GPM6A: variants seen among roughly 807,000 people sequenced by gnomAD.
GPM6A encodes glycoprotein M6A, also known as neuronal membrane glycoprotein M6-a.
A neutral mutation model predicts 32.1 loss-of-function variants in GPM6A; 7 were observed. That is an observed-to-expected ratio of 0.22 (90% CI 0.12 to 0.41). The LOEUF (loss-of-function observed/expected upper bound fraction) is 0.41, where lower values mean the gene tolerates loss of function less well. Among genes scored for constraint, GPM6A ranks in the 10% least tolerant of loss-of-function variants. The pLI is 1.00. For synonymous variants in GPM6A, 130 were observed against 123.4 expected (o/e 1.05, Z -0.35); for missense variants, 235 against 347.2 (o/e 0.68, Z 2.57).
chr4:175,852,961 T>A lies in GPM6A; in HGVS notation c.-22-40712A>T, dbSNP rs377368896. On this transcript the variant is annotated intron_variant, in intron 1 of 7. Coordinates refer to the GPM6A transcript ENST00000280187. ...CTCAATCGATGCGCAATAAATATAT[T>A]TTTTTCATTAACATTGTACCCCAAA... 1.8e-4 allele frequency among the ~76,000 whole-genome samples: 27 copies of A among 152,256 alleles called. No homozygotes were observed. The South Asian group carries it at 3.9e-3, about 22-fold the overall frequency.
chr4:175,941,832 C>T (rs564032631), intron 1 of GPM6A, among the ~76,000 whole-genome samples: 38 of 152,224 alleles, frequency 2.5e-4, no homozygotes, highest in South Asian at 1.5e-3. Flanking sequence ...GTGAACAGTG[C>T]GGCAATAAAC....
chr4:175,910,882 C>T (rs1260856549), intron 1 of GPM6A, among the ~76,000 whole-genome samples: 1 of 152,138 alleles, frequency 6.6e-6, no homozygotes. Flanking sequence ...ATATGCAATC[C>T]ATAAATGAAT....
chr4:175,804,261 G>A (rs996352756), intron 1 of GPM6A, among the ~76,000 whole-genome samples: 1 of 152,100 alleles, frequency 6.6e-6, no homozygotes, highest in Non-Finnish European at 1.5e-5. Flanking sequence ...TACAGTCTGT[G>A]GTTCCAAAAA....
In GPM6A at chr4:175,651,816, G is replaced by A. The variant is rs1741823582; in HGVS notation, c.541+18C>T. 1 of 1,601,650 alleles carries A rather than the reference G, an allele frequency of 6.2e-7. No individual in the cohort carries two copies. On this transcript the variant is annotated intron_variant, in intron 4 of 6. Transcript: ENST00000393658. Reference sequence around the variant, plus strand: ...ATGGGATGGTGTTTTACAGTTTAGAGATCCAATATCCACTTACCAAACTGA... The same window carrying A: ...ATGGGATGGTGTTTTACAGTTTAGAAATCCAATATCCACTTACCAAACTGA...
intron 1 of GPM6A, among the ~76,000 whole-genome samples, chr4:175,717,605 A>G (rs990281578): frequency 1.3e-5 from 2 of 152,182 alleles, no homozygotes; most frequent in African/African-American, 4.8e-5. Flanking sequence ...ATAAACAGTC[A>G]TTACTTAAGA....
intron 1 of GPM6A, among the ~76,000 whole-genome samples, chr4:175,987,678 A>C (rs1209234905): frequency 6.6e-6 from 1 of 152,112 alleles, no homozygotes; most frequent in Admixed American, 6.6e-5. Flanking sequence ...CCTACAAATA[A>C]CATAACTAAA....
intron 2 of GPM6A, among the ~76,000 whole-genome samples, chr4:175,695,430 G>T (rs1034292913): frequency 1.3e-5 from 2 of 152,184 alleles, no homozygotes; most frequent in African/African-American, 2.4e-5. Flanking sequence ...GCCTGGGGGG[G>T]CCCAACCTTT....
chr4:175,869,873 C>G (rs1293431863), intron 1 of GPM6A, among the ~76,000 whole-genome samples: 1 of 152,052 alleles, frequency 6.6e-6, no homozygotes, highest in Admixed American at 6.6e-5. Context: ...ATCTTCCTAC[C>G]AAGTCTATGA....
chr4:175,794,032 C>T (rs1354517322), intron 1 of GPM6A, among the ~76,000 whole-genome samples: 1 of 151,696 alleles, frequency 6.6e-6, no homozygotes, highest in Non-Finnish European at 1.5e-5. Flanking sequence ...CAATTTATGT[C>T]ATCTTGATTT....
intron 1 of GPM6A, among the ~76,000 whole-genome samples, chr4:175,828,673 G>T (rs1204362554): frequency 6.6e-6 from 1 of 152,010 alleles, no homozygotes; most frequent in African/African-American, 2.4e-5. Flanking sequence ...CGAATCTGTG[G>T]ATGAACATTT....
chr4:175,784,725 G>T (rs561555312), intron 1 of GPM6A, among the ~76,000 whole-genome samples: 4 of 152,166 alleles, frequency 2.6e-5, no homozygotes, highest in African/African-American at 9.6e-5. Flanking sequence ...GTGTGTGTGT[G>T]TATGTGTGTG....
At chr4:175,806,009 T>A (rs925294356) in intron 1 of GPM6A, 4 of 152,254 alleles carry the variant, frequency 2.6e-5, no homozygotes, top group African/African-American at 4.8e-5. Flanking sequence ...CATGAATTAT[T>A]TTTATAATGT....
chr4:175,922,754 A>G (rs746435964), intron 1 of GPM6A, among the ~76,000 whole-genome samples: 11 of 152,208 alleles, frequency 7.2e-5, no homozygotes, highest in Non-Finnish European at 1.2e-4. Context: ...AGTAACACTT[A>G]CATTATAAAA....
At chr4:175,980,939 T>C (rs1740799343) in intron 1 of GPM6A, among the ~76,000 whole-genome samples, 1 of 152,224 alleles carries the variant, frequency 6.6e-6, no homozygotes, top group Non-Finnish European at 1.5e-5. Context: ...AATTGAATGA[T>C]TTTAATCAAA....
chr4:175,676,260 G>A (rs1743361697), intron 2 of GPM6A, among the ~76,000 whole-genome samples: 3 of 152,144 alleles, frequency 2.0e-5, no homozygotes, highest in South Asian at 4.1e-4. Context: ...ATAGCAGCCT[G>A]AGAACGGACT....
chr4:175,655,436 A>T (rs1488901556), intron 3 of GPM6A, among the ~76,000 whole-genome samples: 1 of 151,996 alleles, frequency 6.6e-6, no homozygotes, highest in Non-Finnish European at 1.5e-5. Context: ...AAATCTTTTT[A>T]TGTAATAAAT....
chr4:175,891,105 TTAACA>T (rs1737634695), intron 1 of GPM6A, among the ~76,000 whole-genome samples: 1 of 152,160 alleles, frequency 6.6e-6, no homozygotes, highest in Non-Finnish European at 1.5e-5. Flanking sequence ...ATTCTTCTAC[TTAACA>T]TAAGTAATTT....
chr4:175,747,004 G>A lies in GPM6A; in HGVS notation c.38-45237C>T, dbSNP rs533630980. 2.0e-5 allele frequency among the ~76,000 whole-genome samples: 3 copies of A among 152,248 alleles called. No homozygotes were observed. The South Asian group carries it at 6.2e-4, about 32-fold the overall frequency. Reference sequence around the variant, plus strand: ...GAAAGAAACCTAGGCTGGCATGGTGGCTCACGCCTGTAATCCCAGCACTTT... The same window carrying A: ...GAAAGAAACCTAGGCTGGCATGGTGACTCACGCCTGTAATCCCAGCACTTT... On this transcript the variant is annotated intron_variant, in intron 1 of 6. Transcript: ENST00000393658.
chr4:175,657,741 C>T (rs1742169991), intron 3 of GPM6A, among the ~76,000 whole-genome samples: 1 of 152,086 alleles, frequency 6.6e-6, no homozygotes, highest in African/African-American at 2.4e-5. Flanking sequence ...TAATATAGGA[C>T]ATTTAACAAT....
Sources: allele counts gnomAD v4.1 joint callset (sites outside exome capture counted in the v4.1 genomes callset), GRCh38; gene constraint gnomAD v4.1.1; transcripts MANE v1.5; gene names NCBI Gene and HGNC (gene_info 2026-07-23, HGNC 2026-07-21).